RAD51C: variants seen among roughly 807,000 people sequenced by gnomAD.
RAD51C encodes DNA repair protein RAD51 homolog 3.
Under a neutral mutation model 45.0 loss-of-function variants are expected in RAD51C, and 42 were observed. That is an observed-to-expected ratio of 0.93 (90% confidence interval 0.73 to 1.21). The LOEUF (loss-of-function observed/expected upper bound fraction) is 1.21. Among genes scored for constraint, RAD51C ranks in the 50% most tolerant of loss-of-function variants. The pLI, the probability that RAD51C is intolerant of heterozygous loss-of-function variation, is 0.00. For synonymous variants in RAD51C, 172 were observed against 159.8 expected, an observed-to-expected ratio of 1.08 and a Z score of -0.58; for missense variants, 474 against 452.2, an observed-to-expected ratio of 1.05 and a Z score of -0.44.
chr17:58,732,413 G>A (rs2049464824), intron 7 of RAD51C, 71 bp from the exon 8 acceptor site: 3 of 1,281,536 alleles, frequency 2.3e-6, no homozygotes, highest in Non-Finnish European at 2.3e-6. Context: ...TAAATAATGA[G>A]TTTGGTCATC....
intron 7 of RAD51C, among the ~76,000 whole-genome samples, chr17:58,732,076 T>G (rs1223208436): frequency 6.6e-6 from 1 of 152,188 alleles, no homozygotes; most frequent in Non-Finnish European, 1.5e-5. Context: ...ACTTCTTGAT[T>G]GTAGTCTTCT....
At chr17:58,695,428 A>C (rs1302096140) in intron 2 of RAD51C, 1 of 1,104,482 alleles carries the variant, frequency 9.1e-7, no homozygotes, top group Non-Finnish European at 1.2e-6. Flanking sequence ...TGCAGTCATA[A>C]GGTTAAACAG....
intron 5 of RAD51C, among the ~76,000 whole-genome samples, chr17:58,717,666 G>A (rs1442918645): frequency 6.6e-6 from 1 of 152,098 alleles, no homozygotes; most frequent in Admixed American, 6.5e-5. Context: ...AACTCAGGAG[G>A]CGGAGGTTGC....
In RAD51C at chr17:58,692,613, G is replaced by A. The variant is rs1445523144; in HGVS notation, c.-31G>A. 6.2e-7 allele frequency: 1 copy of A among 1,612,934 alleles called. No homozygotes were observed. Among genetic ancestry groups the A allele is most frequent in the Non-Finnish European group, 8.5e-7 (1 of 1,179,998 alleles). On this transcript the variant is annotated 5_prime_UTR_variant, in exon 1 of 9. Transcript: ENST00000337432. ...GCCCCAGCGAGGGCGTGCGGAGTTT[G>A]GCTGCTCCGGGGTTAGCAGGTGAGC...
intron 4 of RAD51C, among the ~76,000 whole-genome samples, chr17:58,706,960 C>CT (rs1598480005): frequency 6.6e-6 from 1 of 152,156 alleles, no homozygotes; most frequent in Non-Finnish European, 1.5e-5. Context: ...TTCTACATCT[C>CT]TAAGTTCTGG....
chr17:58,707,712 T>C (rs1271248788), intron 4 of RAD51C, among the ~76,000 whole-genome samples: 2 of 152,158 alleles, frequency 1.3e-5, no homozygotes, highest in Admixed American at 6.6e-5. Context: ...CTAAAATTTG[T>C]TGTGGTCACC....
At chr17:58,709,753 T>C (rs2048489272) in intron 4 of RAD51C, 106 bp from the exon 5 acceptor site, 2 of 1,081,722 alleles carry the variant, frequency 1.8e-6, no homozygotes, top group Non-Finnish European at 2.7e-6. Flanking sequence ...CAGAAGAATA[T>C]AGTAAATAAG....
intron 6 of RAD51C, among the ~76,000 whole-genome samples, 180 bp downstream of exon 6, chr17:58,720,992 A>G (rs1022960713): frequency 6.6e-6 from 1 of 152,196 alleles, no homozygotes; most frequent in African/African-American, 2.4e-5. Context: ...GTTATTTAAC[A>G]TTTATTGAGT....
intron 3 of RAD51C, 36 bp from the exon 4 acceptor site, chr17:58,703,160 C>T: frequency 6.2e-7 from 1 of 1,601,986 alleles, no homozygotes; most frequent in African/African-American, 1.3e-5. Context: ...TACATCCAAA[C>T]AGGTAAAACT....
intron 3 of RAD51C, among the ~76,000 whole-genome samples, chr17:58,701,634 G>A (rs2048215390): frequency 6.7e-6 from 1 of 149,164 alleles, no homozygotes; most frequent in African/African-American, 2.5e-5. Context: ...GCAGTGGCGG[G>A]ATCTCAGCTC....
chr17:58,713,980 C>G (rs952596690), intron 5 of RAD51C, among the ~76,000 whole-genome samples: 2 of 151,212 alleles, frequency 1.3e-5, no homozygotes, highest in Admixed American at 1.3e-4. Flanking sequence ...TTGATGGTCT[C>G]TCTCTTTTTT....
intron 6 of RAD51C, 147 bp downstream of exon 6, chr17:58,720,959 TTAGA>T (rs2048900091): frequency 1.2e-5 from 8 of 680,706 alleles, no homozygotes; most frequent in Admixed American, 4.8e-5. Flanking sequence ...CACAGTACCG[TTAGA>T]TACTGATTGT....
At chr17:58,724,563 TG>T (rs1428104255) in intron 7 of RAD51C, among the ~76,000 whole-genome samples, 2 of 151,978 alleles carry the variant, frequency 1.3e-5, no homozygotes, top group African/African-American at 2.4e-5. Flanking sequence ...AAATTGTGTC[TG>T]TTTTTTTTTT....
intron 5 of RAD51C, among the ~76,000 whole-genome samples, chr17:58,716,594 C>A (rs1020678339): frequency 6.8e-6 from 1 of 147,588 alleles, no homozygotes; most frequent in African/African-American, 2.5e-5. Context: ...TCCCTAGTAG[C>A]TGGGACTACA....
At chr17:58,724,833 T>G (rs1002932348) in intron 7 of RAD51C, among the ~76,000 whole-genome samples, 2 of 152,168 alleles carry the variant, frequency 1.3e-5, no homozygotes, top group African/African-American at 4.8e-5. Flanking sequence ...GGTCTTGGTT[T>G]GGAAATGCTC....
At chr17:58,722,736 G>A (rs990550156) in intron 6 of RAD51C, among the ~76,000 whole-genome samples, 1 of 152,146 alleles carries the variant, frequency 6.6e-6, no homozygotes, top group Non-Finnish European at 1.5e-5. Context: ...AATTTGCTTT[G>A]ATTGGAATTA....
At position 58,694,980 on chromosome 17, in the gene RAD51C, A is replaced by G. The variant is rs45511291; in HGVS notation, c.195A>G (p.Arg65=). The part of the protein sequence containing the change: ...AEALETLQII[R]RECLTNKPRY... ...CCTTAGAAACTCTGCAAATTATCAG[A>G]AGAGAATGTCTCACAAATAAACCAA... Residue 65 remains arginine (R), a synonymous_variant, in exon 2 of 9, where the codon AGA becomes AGG. Coordinates refer to ENST00000337432, the MANE Select transcript of RAD51C (RefSeq NM_058216.3). 1,477 of 1,614,146 alleles carry G rather than the reference A, an allele frequency of 9.2e-4. 30 individuals carry two copies. The East Asian group carries it at 0.03, about 33-fold the overall frequency.
chr17:58,709,267 TG>T (rs1437921288), intron 4 of RAD51C, among the ~76,000 whole-genome samples: 2 of 151,330 alleles, frequency 1.3e-5, no homozygotes, highest in Non-Finnish European at 1.5e-5. Context: ...TTAGCAGAGA[TG>T]GGGTTTCACC....
chr17:58,732,799 A>G (rs2049486093), intron 8 of RAD51C: 2 of 403,848 alleles, frequency 5.0e-6, no homozygotes, highest in Non-Finnish European at 9.0e-6. Flanking sequence ...ATGTAATGTC[A>G]GGATATTAAA....
Sources: allele counts gnomAD v4.1 joint callset (sites outside exome capture counted in the v4.1 genomes callset), GRCh38; gene constraint gnomAD v4.1.1; transcripts MANE v1.5; gene names NCBI Gene and HGNC (gene_info 2026-07-23, HGNC 2026-07-21).